EDARADD: variants seen among roughly 807,000 people sequenced by gnomAD.
EDARADD encodes the protein EDAR associated via death domain.
EDARADD carries 20 observed loss-of-function variants against 25.6 expected under a neutral mutation model. The ratio of observed to expected loss-of-function variants is 0.78; its 90% CI spans 0.55 to 1.14. The LOEUF is 1.14. Ranked by LOEUF, EDARADD falls within the 50% of genes most tolerant of loss-of-function variation. EDARADD has a pLI of 0.00. For missense variants in EDARADD, 225 were observed against 270.1 expected (o/e 0.83, Z 1.17); for synonymous variants, 86 against 94.4 (o/e 0.91, Z 0.52).
intron 1 of EDARADD, among the ~76,000 whole-genome samples, chr1:236,394,932 C>T (rs1367815929): frequency 6.6e-6 from 1 of 152,226 alleles, no homozygotes; most frequent in African/African-American, 2.4e-5. Flanking sequence ...TGGGCGACTT[C>T]TGTTCACTCC....
At chr1:236,390,497 G>A (rs1420199692), upstream of EDARADD, among the ~76,000 whole-genome samples, 1 of 152,092 alleles carries the variant, frequency 6.6e-6, no homozygotes, top group African/African-American at 2.4e-5. Flanking sequence ...AGCTTGCAGT[G>A]AGCTGAGATC....
chr1:236,380,386 A>G (rs1667284264), intron 3 of EDARADD, among the ~76,000 whole-genome samples: 1 of 152,178 alleles, frequency 6.6e-6, no homozygotes, highest in Non-Finnish European at 1.5e-5. Context: ...TGAACAATTC[A>G]TAGTCTGGAA....
chr1:236,348,898 AAATATTGC>A (rs1484142384), exon 2 of EDARADD: 1 of 152,170 alleles, frequency 6.6e-6, no homozygotes, highest in Non-Finnish European at 1.5e-5. Flanking sequence ...AATTGTGGTA[AAATATTGC>A]AATCCCAAGT....
Position 236,477,963 on chromosome 1 carries a change from T to TTC in EDARADD, c.266-4304_266-4303insTC, listed in dbSNP as rs1659556816. ...ACTAAAAATATAAAAATTAGACGGG[T>TTC]GTGATGGTGGGTGCCTGTAGTCCCA... On this transcript the variant is annotated intron_variant, in intron 5 of 5. Transcript: ENST00000334232. 3.3e-5 allele frequency among the ~76,000 whole-genome samples: 5 copies of TTC among 151,410 alleles called. No individual in the cohort carries two copies. In the South Asian group the frequency reaches 1.0e-3, roughly 32 times the overall value.
intron 4 of EDARADD, among the ~76,000 whole-genome samples, chr1:236,435,631 T>C (rs1658229544): frequency 6.6e-6 from 1 of 152,240 alleles, no homozygotes; most frequent in Non-Finnish European, 1.5e-5. Flanking sequence ...TATGCAGTTC[T>C]ATCCAGAAAT....
chr1:236,410,499 G>T (rs73123252), intron 2 of EDARADD, among the ~76,000 whole-genome samples: 4,349 of 152,096 alleles, frequency 0.029, 142 homozygotes, highest in African/African-American at 0.085. Flanking sequence ...TGAGATGGTG[G>T]GGCACGTACC....
At chr1:236,360,652 A>C (rs594557) in intron 3 of EDARADD, among the ~76,000 whole-genome samples, 75,157 of 149,606 alleles carry the variant, frequency 0.5, 19,430 homozygotes, top group East Asian at 0.84. Flanking sequence ...CTCAAGTGCC[A>C]CTTCCACCTC....
At chr1:236,393,391 CTTTTTTTT>C (rs761525038), upstream of EDARADD, among the ~76,000 whole-genome samples, 1 of 87,212 alleles carries the variant, frequency 1.1e-5, no homozygotes, top group Non-Finnish European at 1.9e-5. Context: ...TTCTTTCTTT[CTTTTTTTT>C]TTTTTTTTTT....
chr1:236,463,361 T>C (rs531268544), intron 4 of EDARADD, among the ~76,000 whole-genome samples: 10 of 152,178 alleles, frequency 6.6e-5, no homozygotes, highest in Admixed American at 2.6e-4. Context: ...TGGCGAGATC[T>C]TGGTTCACTG....
intron 4 of EDARADD, among the ~76,000 whole-genome samples, chr1:236,457,600 G>A (rs1043945373): frequency 8.6e-5 from 13 of 152,010 alleles, no homozygotes; most frequent in Middle Eastern, 3.4e-3. Context: ...GGGGGCGGAC[G>A]AAGAGGTCAG....
chr1:236,361,692 C>A (rs1355877818), intron 3 of EDARADD, among the ~76,000 whole-genome samples: 1 of 145,550 alleles, frequency 6.9e-6, no homozygotes, highest in East Asian at 2.1e-4. Flanking sequence ...TAGCTTCTTG[C>A]ATTCAGAATA....
chr1:236,436,070 G>A (rs1040574473), intron 4 of EDARADD, among the ~76,000 whole-genome samples: 1 of 152,030 alleles, frequency 6.6e-6, no homozygotes, highest in African/African-American at 2.4e-5. Context: ...TTGGGAGGCC[G>A]AGGCAGGAGA....
intron 3 of EDARADD, among the ~76,000 whole-genome samples, chr1:236,385,225 G>A (rs113035062): frequency 0.055 from 8,214 of 149,428 alleles, 375 homozygotes; most frequent in African/African-American, 0.12. Context: ...TGGCCAACAC[G>A]GTGAAACCCC....
chr1:236,427,991 T>C (rs1229446015), intron 4 of EDARADD, among the ~76,000 whole-genome samples: 1 of 151,914 alleles, frequency 6.6e-6, no homozygotes, highest in Admixed American at 6.6e-5. Context: ...TTTTAGTATT[T>C]ATTGATCATT....
At chr1:236,435,359 C>G (rs1275486446) in intron 4 of EDARADD, among the ~76,000 whole-genome samples, 1 of 152,226 alleles carries the variant, frequency 6.6e-6, no homozygotes, top group Non-Finnish European at 1.5e-5. Context: ...ATTGTCTTCA[C>G]CCATTGATTA....
intron 5 of EDARADD, among the ~76,000 whole-genome samples, chr1:236,481,058 G>C (rs1426507422): frequency 6.8e-6 from 1 of 147,336 alleles, no homozygotes. Context: ...TCATAAGGGG[G>C]CCATAAATTT....
chr1:236,426,723 C>T (rs145014447), intron 3 of EDARADD, among the ~76,000 whole-genome samples: 1 of 152,272 alleles, frequency 6.6e-6, no homozygotes, highest in East Asian at 1.9e-4. Context: ...GCATGGACAA[C>T]ACAGTGAGGC....
chr1:236,414,644 C>T (rs1047179331), intron 3 of EDARADD, among the ~76,000 whole-genome samples: 4 of 151,962 alleles, frequency 2.6e-5, no homozygotes, highest in Admixed American at 6.6e-5. Flanking sequence ...GTTTAAAAAG[C>T]GGGAACTGGC....
intron 3 of EDARADD, among the ~76,000 whole-genome samples, chr1:236,425,617 G>A (rs914597322): frequency 3.3e-5 from 5 of 152,194 alleles, no homozygotes; most frequent in African/African-American, 1.2e-4. Context: ...TTGATAAGTG[G>A]GACTTAAGCA....
Sources: allele counts gnomAD v4.1 joint callset (sites outside exome capture counted in the v4.1 genomes callset), GRCh38; gene constraint gnomAD v4.1.1; transcripts MANE v1.5; gene names NCBI Gene and HGNC (gene_info 2026-07-23, HGNC 2026-07-21).